Variants in ERBB4 observed in about 807,000 individuals in gnomAD.
The protein encoded by ERBB4 is receptor tyrosine-protein kinase erbB-4.
In ERBB4, 42 loss-of-function variants were observed where a neutral mutation model predicts 158.0. The ratio of observed to expected loss-of-function variants is 0.27; its 90% CI spans 0.21 to 0.34. The LOEUF is 0.34. Ranked by LOEUF, ERBB4 falls within the 10% of genes least tolerant of loss-of-function variation. The pLI, the probability that ERBB4 is intolerant of heterozygous loss-of-function variation, is 1.00. For synonymous variants in ERBB4, 583 were observed against 558.7 expected, an observed-to-expected ratio of 1.04 and a Z score of -0.61; for missense variants, 1,333 against 1,624.1, an observed-to-expected ratio of 0.82 and a Z score of 3.08.
At chr2:211,658,038 A>G in intron 15 of ERBB4, 1 of 1,432,040 alleles carries the variant, frequency 7.0e-7, no homozygotes, top group South Asian at 1.2e-5. Flanking sequence ...GGAAAAAATT[A>G]GTCATTTAAA....
intron 1 of ERBB4, among the ~76,000 whole-genome samples, chr2:212,222,905 A>G (rs890149358): frequency 2.6e-5 from 4 of 151,488 alleles, no homozygotes; most frequent in African/African-American, 9.7e-5. Context: ...TATTTGTTCA[A>G]TGATTATTGG....
chr2:212,380,415 A>G (rs2090464532), intron 1 of ERBB4, among the ~76,000 whole-genome samples: 1 of 150,630 alleles, frequency 6.6e-6, no homozygotes, highest in Non-Finnish European at 1.5e-5. Context: ...GGACTTGAGT[A>G]TCCATGGATT....
intron 19 of ERBB4, among the ~76,000 whole-genome samples, chr2:211,610,236 G>A (rs539364660): frequency 2.6e-5 from 4 of 152,136 alleles, no homozygotes; most frequent in African/African-American, 9.6e-5. Flanking sequence ...ATACATATGT[G>A]CCTATTGCAA....
intron 16 of ERBB4, among the ~76,000 whole-genome samples, chr2:211,638,044 T>C (rs1466873228): frequency 6.6e-6 from 1 of 152,108 alleles, no homozygotes; most frequent in Admixed American, 6.6e-5. Flanking sequence ...ATTGCTATAT[T>C]CATTGTGATT....
In ERBB4 at chr2:211,581,381, A is replaced by G. The variant is rs141100038; in HGVS notation, c.2302-19293T>C. Among the ~76,000 whole-genome samples the G allele has an allele frequency of 5.1e-3, 778 of 152,296 alleles. 7 individuals are homozygous for G. The highest frequency in any genetic ancestry group is 0.018 in the African/African-American group (740 of 41,566). On this transcript the variant is annotated intron_variant, in intron 19 of 27. Transcript: ENST00000342788. ...AGTGTAAAATCACCACTGAAAGAAC[A>G]TGGAAATAGTCAAGCAAAACACACC...
At chr2:212,341,511 A>G (rs2088711054) in intron 1 of ERBB4, among the ~76,000 whole-genome samples, 1 of 152,112 alleles carries the variant, frequency 6.6e-6, no homozygotes, top group Admixed American at 6.5e-5. Context: ...TCCATGGGTA[A>G]GTATTCAATG....
At chr2:212,469,798 T>TC (rs1689024054) in intron 1 of ERBB4, among the ~76,000 whole-genome samples, 1 of 152,124 alleles carries the variant, frequency 6.6e-6, no homozygotes, top group Admixed American at 6.6e-5. Flanking sequence ...AATCTTTTTT[T>TC]CCACAACAAT....
intron 2 of ERBB4, among the ~76,000 whole-genome samples, chr2:212,101,437 T>A (rs2079080742): frequency 1.3e-5 from 2 of 150,936 alleles, no homozygotes; most frequent in African/African-American, 2.4e-5. Context: ...AAGATTTTTT[T>A]AAGAGGTGGC....
chr2:211,927,077 T>C (rs1225363425), intron 3 of ERBB4, among the ~76,000 whole-genome samples: 3 of 152,152 alleles, frequency 2.0e-5, no homozygotes, highest in Admixed American at 2.0e-4. Flanking sequence ...TTAAGCTAAA[T>C]GGGGTACAAA....
chr2:211,907,020 CT>C (rs542751885), intron 3 of ERBB4, among the ~76,000 whole-genome samples: 86 of 151,638 alleles, frequency 5.7e-4, no homozygotes, highest in African/African-American at 1.8e-3. Flanking sequence ...TTCTTCTGAC[CT>C]TTTTTCCATT....
intron 20 of ERBB4, among the ~76,000 whole-genome samples, chr2:211,456,265 T>C (rs1334001283): frequency 6.6e-6 from 1 of 152,208 alleles, no homozygotes; most frequent in Non-Finnish European, 1.5e-5. Flanking sequence ...CCCGTTGTTT[T>C]ATTATTCTAT....
intron 16 of ERBB4, among the ~76,000 whole-genome samples, chr2:211,639,222 G>A (rs1434379133): frequency 6.6e-6 from 1 of 152,074 alleles, no homozygotes; most frequent in Non-Finnish European, 1.5e-5. Flanking sequence ...ATAAGGACAT[G>A]TTTTGTGACA....
intron 1 of ERBB4, among the ~76,000 whole-genome samples, chr2:212,416,935 ACT>A (rs1413254723): frequency 6.6e-6 from 1 of 151,964 alleles, no homozygotes; most frequent in African/African-American, 2.4e-5. Flanking sequence ...TTTCATCCAA[ACT>A]CTCATGATAA....
intron 2 of ERBB4, among the ~76,000 whole-genome samples, chr2:212,118,523 G>A (rs1193522168): frequency 6.6e-6 from 1 of 150,750 alleles, no homozygotes; most frequent in Non-Finnish European, 1.5e-5. Context: ...CAAATTTTAT[G>A]TCTTACGAAG....
chr2:212,361,288 C>T (rs1029123746), intron 1 of ERBB4, among the ~76,000 whole-genome samples: 31 of 151,518 alleles, frequency 2.0e-4, no homozygotes, highest in African/African-American at 6.8e-4. Flanking sequence ...ACCATATGTG[C>T]CTCCATGCTT....
At chr2:212,152,319 A>C (rs1466082264) in intron 1 of ERBB4, among the ~76,000 whole-genome samples, 1 of 152,180 alleles carries the variant, frequency 6.6e-6, no homozygotes, top group Non-Finnish European at 1.5e-5. Flanking sequence ...GTGATAATTA[A>C]ATAAAATATT....
At chr2:211,985,510 A>C (rs1386050309) in intron 2 of ERBB4, among the ~76,000 whole-genome samples, 1 of 152,140 alleles carries the variant, frequency 6.6e-6, no homozygotes, top group Non-Finnish European at 1.5e-5. Flanking sequence ...CATCAGTAAA[A>C]GGGTTCATAA....
At chr2:211,884,984 T>C (rs186756214) in intron 3 of ERBB4, among the ~76,000 whole-genome samples, 7 of 152,270 alleles carry the variant, frequency 4.6e-5, no homozygotes, top group African/African-American at 1.7e-4. Flanking sequence ...ATAAGGAAAA[T>C]TGATTCTACT....
intron 19 of ERBB4, among the ~76,000 whole-genome samples, chr2:211,583,595 C>T (rs902864469): frequency 6.6e-6 from 1 of 151,020 alleles, no homozygotes; most frequent in Admixed American, 6.6e-5. Context: ...CAACAATATA[C>T]CTATTAAAAA....
Sources: allele counts gnomAD v4.1 joint callset (sites outside exome capture counted in the v4.1 genomes callset), GRCh38; gene constraint gnomAD v4.1.1; transcripts MANE v1.5; gene names NCBI Gene and HGNC (gene_info 2026-07-23, HGNC 2026-07-21).